PTPRT: variants seen among roughly 807,000 people sequenced by gnomAD.
PTPRT encodes the protein receptor-type tyrosine-protein phosphatase T.
A neutral mutation model predicts 176.8 loss-of-function variants in PTPRT; 56 were observed. The ratio of observed to expected loss-of-function variants is 0.32; its 90% CI spans 0.26 to 0.40. The LOEUF (loss-of-function observed/expected upper bound fraction) is 0.40, where lower values mean the gene tolerates loss of function less well. Ranked by LOEUF, PTPRT falls within the 10% of genes least tolerant of loss-of-function variation. The pLI is 1.00. For synonymous variants in PTPRT, 783 were observed against 739.0 expected (o/e 1.06, Z -0.96); for missense variants, 1,540 against 1,908.2 (o/e 0.81, Z 3.60).
At chr20:42,105,167 G>A (rs1440948766) in intron 24 of PTPRT, among the ~76,000 whole-genome samples, 1 of 152,178 alleles carries the variant, frequency 6.6e-6, no homozygotes, top group Non-Finnish European at 1.5e-5. Flanking sequence ...TCTCCCTTTA[G>A]GTGGAATCAC....
chr20:42,745,426 G>C (rs1051789423), intron 6 of PTPRT, among the ~76,000 whole-genome samples: 1 of 152,140 alleles, frequency 6.6e-6, no homozygotes, highest in Non-Finnish European at 1.5e-5. Flanking sequence ...GCTGTGTATC[G>C]TAGGGTGTTT....
chr20:42,624,863 A>G (rs1316332968), intron 7 of PTPRT, among the ~76,000 whole-genome samples: 1 of 152,126 alleles, frequency 6.6e-6, no homozygotes, highest in Admixed American at 6.5e-5. Flanking sequence ...ACAAGCGTAA[A>G]AAGTCAGGAC....
At chr20:42,120,197 A>G (rs1029349886) in intron 19 of PTPRT, among the ~76,000 whole-genome samples, 1 of 152,204 alleles carries the variant, frequency 6.6e-6, no homozygotes, top group Non-Finnish European at 1.5e-5. Flanking sequence ...AGGTGCCTAC[A>G]TAGGCTTGCC....
chr20:42,476,444 G>A (rs574122293), intron 7 of PTPRT, among the ~76,000 whole-genome samples: 1 of 152,222 alleles, frequency 6.6e-6, no homozygotes, highest in South Asian at 2.1e-4. Flanking sequence ...ATCTCCTGTG[G>A]GTTCTAGAAA....
intron 7 of PTPRT, among the ~76,000 whole-genome samples, chr20:42,570,155 G>T (rs559738650): frequency 6.6e-6 from 1 of 152,100 alleles, no homozygotes; most frequent in African/African-American, 2.4e-5. Context: ...AGTGTGTGTC[G>T]TCAGTGTCTG....
At chr20:42,415,013 C>A (rs1016517379) in intron 9 of PTPRT, among the ~76,000 whole-genome samples, 1 of 152,092 alleles carries the variant, frequency 6.6e-6, no homozygotes, top group East Asian at 1.9e-4. Context: ...GGTAATCGTG[C>A]AGAACAGCCC....
intron 1 of PTPRT, among the ~76,000 whole-genome samples, chr20:43,115,648 C>T (rs1010293914): frequency 5.9e-5 from 9 of 152,114 alleles, no homozygotes; most frequent in African/African-American, 1.7e-4. Flanking sequence ...CACAGAACAG[C>T]GCCCACAACA....
chr20:42,645,999 G>A (rs1036153876), intron 7 of PTPRT, among the ~76,000 whole-genome samples: 1 of 152,122 alleles, frequency 6.6e-6, no homozygotes, highest in Non-Finnish European at 1.5e-5. Context: ...TTCCTGGCTT[G>A]TAGTGAACAC....
At chr20:42,151,277 T>C (rs2146458585) in intron 17 of PTPRT, among the ~76,000 whole-genome samples, 1 of 152,230 alleles carries the variant, frequency 6.6e-6, no homozygotes, top group East Asian at 1.9e-4. Context: ...ACATTAGGTA[T>C]TTGCTCTAAT....
At chr20:42,869,485 T>C (rs2078807787) in intron 2 of PTPRT, among the ~76,000 whole-genome samples, 1 of 152,242 alleles carries the variant, frequency 6.6e-6, no homozygotes, top group Non-Finnish European at 1.5e-5. Flanking sequence ...TGTTTTATAC[T>C]TACTTGGGAC....
intron 1 of PTPRT, among the ~76,000 whole-genome samples, chr20:42,900,486 A>G (rs1166939630): frequency 6.6e-6 from 1 of 152,114 alleles, no homozygotes; most frequent in Non-Finnish European, 1.5e-5. Flanking sequence ...TCACAGCCAC[A>G]TCCTTGAGTT....
At chr20:42,737,932 G>T (rs1407649840) in intron 6 of PTPRT, among the ~76,000 whole-genome samples, 1 of 152,154 alleles carries the variant, frequency 6.6e-6, no homozygotes, top group East Asian at 1.9e-4. Flanking sequence ...GACAGGGCCA[G>T]GAAGTAGCTG....
At position 42,427,516 on chromosome 20, in the gene PTPRT, T is replaced by C. The variant is rs2867440; in HGVS notation, c.1560+20704A>G. Among the ~76,000 whole-genome samples, 3 of 89,848 alleles carry C rather than the reference T, an allele frequency of 3.3e-5. No individual in the cohort carries two copies. In the South Asian group the frequency reaches 1.1e-3, roughly 34 times the overall value. The allele number at this position is 89,848 out of a possible 152,430, so 58.9% of individuals were successfully genotyped here. A position where few individuals can be genotyped will look rare whatever the true frequency, so the allele number is the denominator to read the frequency against. ...TTTGTTCTTCATCGATGGCGCCTTC[T>C]AGCTGTGTCTTAACGTGGCAGAAGG... On this transcript the variant is annotated intron_variant, in intron 9 of 30. Coordinates refer to ENST00000373187, the MANE Select transcript of PTPRT (RefSeq NM_007050.6).
At chr20:42,321,435 C>T (rs190535306) in intron 11 of PTPRT, among the ~76,000 whole-genome samples, 18 of 152,222 alleles carry the variant, frequency 1.2e-4, no homozygotes, top group African/African-American at 2.2e-4. Context: ...GATGTTTATA[C>T]GCTTGCCCTT....
intron 1 of PTPRT, among the ~76,000 whole-genome samples, chr20:42,946,729 T>C (rs148264509): frequency 8.5e-4 from 130 of 152,326 alleles, no homozygotes; most frequent in Non-Finnish European, 1.7e-3. Context: ...TTCCCTTCTT[T>C]CTTCACTCAA....
At chr20:42,464,147 A>G (rs976277920) in intron 8 of PTPRT, among the ~76,000 whole-genome samples, 1 of 152,222 alleles carries the variant, frequency 6.6e-6, no homozygotes, top group East Asian at 1.9e-4. Flanking sequence ...AAAAGACGTC[A>G]TACATATCCC....
intron 1 of PTPRT, among the ~76,000 whole-genome samples, chr20:42,990,089 T>C (rs1308228180): frequency 6.6e-6 from 1 of 152,182 alleles, no homozygotes; most frequent in Non-Finnish European, 1.5e-5. Context: ...ACATCTATCA[T>C]CTTACGAAGC....
chr20:42,831,235 A>C (rs79323080), intron 2 of PTPRT, among the ~76,000 whole-genome samples: 1 of 152,142 alleles, frequency 6.6e-6, no homozygotes, highest in African/African-American at 2.4e-5. Flanking sequence ...CACACCTACA[A>C]CCATCTGATT....
chr20:42,998,826 A>G (rs1211609425), intron 1 of PTPRT, among the ~76,000 whole-genome samples: 1 of 152,210 alleles, frequency 6.6e-6, no homozygotes, highest in Admixed American at 6.5e-5. Flanking sequence ...GCCCACTGTC[A>G]TATGGTTGGA....
Sources: allele counts gnomAD v4.1 joint callset (sites outside exome capture counted in the v4.1 genomes callset), GRCh38; gene constraint gnomAD v4.1.1; transcripts MANE v1.5; gene names NCBI Gene and HGNC (gene_info 2026-07-23, HGNC 2026-07-21).